Variants in WDR27 observed in about 807,000 individuals in gnomAD.
The protein encoded by WDR27 is WD repeat domain 27.
A neutral mutation model predicts 114.4 loss-of-function variants in WDR27; 100 were observed. The observed-to-expected ratio is 0.87, with a 90% CI of 0.74 to 1.03. WDR27 has a LOEUF of 1.03. WDR27 is among the 50% of genes least tolerant of loss of function. WDR27 has a pLI of 0.00. For missense variants in WDR27, 1,129 were observed against 1,092.9 expected (o/e 1.03, Z -0.47); for synonymous variants, 449 against 423.1 (o/e 1.06, Z -0.75).
intron 21 of WDR27, among the ~76,000 whole-genome samples, chr6:169,618,010 T>A (rs1812268411): frequency 1.3e-5 from 2 of 152,244 alleles, no homozygotes. Flanking sequence ...AACTCCTGTA[T>A]CATTGCTTCT....
the WDR27 span, among the ~76,000 whole-genome samples, chr6:169,449,049 T>C: frequency 1.3e-5 from 2 of 152,318 alleles, no homozygotes; most frequent in South Asian, 4.1e-4. Context: ...CTACGTTTAG[T>C]CAAAAAACTT....
chr6:169,641,083 G>A (rs77981592), intron 17 of WDR27, among the ~76,000 whole-genome samples: 5,854 of 152,234 alleles, frequency 0.038, 391 homozygotes, highest in African/African-American at 0.13. Context: ...CAGAGGCACC[G>A]GCAATGCAGG....
At position 169,539,078 on chromosome 6, in the gene WDR27, T is replaced by C. The variant is rs980417887; in HGVS notation, c.2645+33341A>G. On this transcript the variant is annotated intron_variant, in intron 25 of 25. Coordinates refer to ENST00000448612, the MANE Select transcript of WDR27 (RefSeq NM_182552.5). The stretch of plus-strand genomic sequence containing the variant: ...TAATAAGCAATAGCTTAGGGTGTAA[T>C]TCACAACTGGGTGGATGCACACTGT... Among the ~76,000 whole-genome samples the C allele has an allele frequency of 3.3e-5, 5 of 152,242 alleles. No homozygotes were observed. In the East Asian group the frequency reaches 5.8e-4, roughly 18 times the overall value.
At chr6:169,569,764 G>T (rs2294501) in intron 25 of WDR27, among the ~76,000 whole-genome samples, 13,464 of 152,174 alleles carry the variant, frequency 0.088, 1,704 homozygotes, top group East Asian at 0.58. Context: ...CTAAATTCAT[G>T]CAAGTCTATT....
Position 169,658,444 on chromosome 6 carries a change from T to C in WDR27, c.1320-86A>G, listed in dbSNP as rs189512641. The C allele has an allele frequency of 6.3e-5, 63 of 1,003,362 alleles. No homozygotes were observed. In the East Asian group the frequency reaches 1.3e-3, roughly 21 times the overall value. The allele number at this position is 1,003,362 out of a possible 1,614,324, so 62.2% of individuals were successfully genotyped here. ...TCAGTGACACACACTTTAAAGACAG[T>C]TCCAAATGACTGATTCCTGCAGCTG... On this transcript the variant is annotated intron_variant, in intron 12 of 25. Coordinates refer to ENST00000448612, the MANE Select transcript of WDR27 (RefSeq NM_182552.5).
chr6:169,627,074 C>T (rs751271196), intron 21 of WDR27, among the ~76,000 whole-genome samples: 8 of 152,176 alleles, frequency 5.3e-5, no homozygotes, highest in Admixed American at 1.3e-4. Flanking sequence ...CCTCCAGCGC[C>T]GCTGTAATTT....
chr6:169,584,680 G>A (rs1246111516), intron 23 of WDR27, among the ~76,000 whole-genome samples: 1 of 152,106 alleles, frequency 6.6e-6, no homozygotes, highest in Non-Finnish European at 1.5e-5. Flanking sequence ...TTTTCGTATA[G>A]CTTTTTGGCC....
intron 4 of WDR27, 66 bp from the exon 5 acceptor site, chr6:169,668,251 T>C: frequency 6.5e-7 from 1 of 1,545,840 alleles, no homozygotes; most frequent in Non-Finnish European, 8.9e-7. Context: ...AAACCAAGGG[T>C]GAAAAGTCAG....
chr6:169,564,685 G>A (rs555231320), intron 25 of WDR27, among the ~76,000 whole-genome samples: 324 of 137,424 alleles, frequency 2.4e-3, no homozygotes, highest in Non-Finnish European at 3.2e-3. Context: ...GACAGAGCCC[G>A]GTGCTCACAC....
At chr6:169,701,264 A>G (rs758783208) in intron 1 of WDR27, among the ~76,000 whole-genome samples, 4 of 152,186 alleles carry the variant, frequency 2.6e-5, no homozygotes, top group Non-Finnish European at 4.4e-5. Context: ...CTCCCTTCTG[A>G]TTAGAAAAGA....
chr6:169,612,352 G>A (rs1449979290), intron 22 of WDR27, among the ~76,000 whole-genome samples: 5 of 152,012 alleles, frequency 3.3e-5, no homozygotes, highest in Admixed American at 6.5e-5. Flanking sequence ...GCCAGGAGGC[G>A]GAGCTTGCAG....
chr6:169,569,265 C>G (rs910414362), intron 25 of WDR27, among the ~76,000 whole-genome samples: 4 of 149,804 alleles, frequency 2.7e-5, no homozygotes, highest in Admixed American at 2.6e-4. Flanking sequence ...GTTTTAAAAC[C>G]CTAGTCTCTA....
At chr6:169,552,128 C>A (rs991981368) in intron 25 of WDR27, among the ~76,000 whole-genome samples, 1 of 152,108 alleles carries the variant, frequency 6.6e-6, no homozygotes, top group Non-Finnish European at 1.5e-5. Flanking sequence ...TCCTGCTGAC[C>A]CAAGCATCCA....
intron 25 of WDR27, among the ~76,000 whole-genome samples, chr6:169,531,692 T>C (rs1226510032): frequency 1.3e-5 from 2 of 151,422 alleles, no homozygotes; most frequent in South Asian, 4.2e-4. Context: ...GTCACTTTTT[T>C]GCCCAGGCTG....
chr6:169,499,064 C>G (rs1350658844), intron 25 of WDR27, among the ~76,000 whole-genome samples: 1 of 152,252 alleles, frequency 6.6e-6, no homozygotes, highest in Non-Finnish European at 1.5e-5. Context: ...TGAGCAGTGT[C>G]TTAAGCTACA....
chr6:169,655,527 G>A (rs1021558363), intron 13 of WDR27, among the ~76,000 whole-genome samples: 4 of 152,184 alleles, frequency 2.6e-5, no homozygotes, highest in South Asian at 2.1e-4. Context: ...GACACGAAGT[G>A]AAAAAGACAA....
intron 25 of WDR27, among the ~76,000 whole-genome samples, chr6:169,469,159 T>C (rs953314770): frequency 4.6e-5 from 7 of 152,338 alleles, no homozygotes; most frequent in African/African-American, 1.4e-4. Context: ...TCTTCTTACA[T>C]GTAAAATATA....
At position 169,688,987 on chromosome 6, in the gene WDR27, T is replaced by C. The variant is rs1208369926; in HGVS notation, c.19A>G (p.Ile7Val). The C allele has an allele frequency of 4.3e-6, 7 of 1,612,274 alleles. No individual in the cohort carries two copies. The South Asian group carries it at 5.5e-5, about 13-fold the overall frequency. Residue 7 changes from isoleucine (I) to valine (V), a missense_variant, in exon 2 of 26, where the codon ATT (isoleucine) becomes GTT (valine). Physicochemically the swap from Ile to Val is conservative, Grantham distance 29. Coordinates refer to ENST00000448612, the MANE Select transcript of WDR27 (RefSeq NM_182552.5). ...AGACAGCCACCATTACTTGAGAAAA[T>C]GTCTTGGGGATTTTCCATCTTCAAT... is the stretch of plus-strand genomic sequence containing the variant. MENPQD[I>V]FSSNGGCLSD...
At chr6:169,630,127 C>T (rs761581674) in intron 21 of WDR27, among the ~76,000 whole-genome samples, 4 of 152,160 alleles carry the variant, frequency 2.6e-5, no homozygotes, top group Admixed American at 6.5e-5. Flanking sequence ...TACATAACAT[C>T]TCAGGAGAGA....
Sources: allele counts gnomAD v4.1 joint callset (sites outside exome capture counted in the v4.1 genomes callset), GRCh38; gene constraint gnomAD v4.1.1; transcripts MANE v1.5; gene names NCBI Gene and HGNC (gene_info 2026-07-23, HGNC 2026-07-21).